Variants in BLVRA observed in about 807,000 individuals in gnomAD.
BLVRA encodes the protein BVR A.
A neutral mutation model predicts 32.8 loss-of-function variants in BLVRA; 22 were observed. The observed-to-expected ratio is 0.67, with a 90% CI of 0.48 to 0.96. The LOEUF is 0.96. Among genes scored for constraint, BLVRA ranks in the 40% least tolerant of loss-of-function variants. The pLI is 0.00. For synonymous variants in BLVRA, 119 were observed against 141.3 expected, an observed-to-expected ratio of 0.84 and a Z score of 1.12; for missense variants, 323 against 358.1, an observed-to-expected ratio of 0.90 and a Z score of 0.79.
At chr7:43,766,669 G>C (rs183044684) in intron 1 of BLVRA, among the ~76,000 whole-genome samples, 8 of 152,226 alleles carry the variant, frequency 5.3e-5, no homozygotes, top group African/African-American at 1.7e-4. Flanking sequence ...TGGGATTGCT[G>C]CCTCTCCTGA....
intron 3 of BLVRA, among the ~76,000 whole-genome samples, chr7:43,789,464 A>T (rs1279544712): frequency 1.3e-5 from 2 of 152,142 alleles, no homozygotes; most frequent in African/African-American, 4.8e-5. Context: ...ATTCCAAGGG[A>T]GCTGCACACA....
rs374145853 is a variant in BLVRA at position 43,803,683 on chromosome 7, G to A, written c.468G>A (p.Pro156=). 3.6e-5 allele frequency: 58 copies of A among 1,597,788 alleles called. 1 individual carries two copies. In the South Asian group the frequency reaches 4.7e-4, roughly 13 times the overall value. ...LKGSLLFTAG[P]LEEERFGFPA... The stretch of plus-strand genomic sequence containing the variant: ...ATTTGTGATTTCCCACAGCTGGCCC[G>A]TTGGAAGAAGAGCGGTTTGGCTTCC... The change falls in exon 7 of 8, where the codon CCG becomes CCA. Residue 156 remains proline (P), a synonymous_variant. Coordinates refer to ENST00000265523, the MANE Select transcript of BLVRA (RefSeq NM_000712.4).
At chr7:43,791,189 G>T (rs1279604354) in intron 3 of BLVRA, 60 bp from the exon 4 acceptor site, 1 of 1,608,428 alleles carries the variant, frequency 6.2e-7, no homozygotes, top group African/African-American at 1.3e-5. Flanking sequence ...GAGGGGAGAA[G>T]GATGGTGCTC....
intron 2 of BLVRA, among the ~76,000 whole-genome samples, chr7:43,778,822 C>A (rs574855327): frequency 2.6e-5 from 4 of 152,250 alleles, no homozygotes; most frequent in Non-Finnish European, 5.9e-5. Flanking sequence ...TCGAGCTTCC[C>A]GGCTGCTTTG....
intron 5 of BLVRA, among the ~76,000 whole-genome samples, chr7:43,794,041 G>A (rs2095789072): frequency 6.6e-6 from 1 of 151,598 alleles, no homozygotes; most frequent in Non-Finnish European, 1.5e-5. Flanking sequence ...CCAGGAGTTT[G>A]AGACCAGCCT....
At chr7:43,769,900 C>T (rs1010224038) in intron 1 of BLVRA, among the ~76,000 whole-genome samples, 2 of 152,188 alleles carry the variant, frequency 1.3e-5, no homozygotes, top group African/African-American at 2.4e-5. Flanking sequence ...TGAGCCACTG[C>T]GCCCAGCTCC....
At chr7:43,779,993 C>T (rs901665428) in intron 2 of BLVRA, among the ~76,000 whole-genome samples, 2 of 152,044 alleles carry the variant, frequency 1.3e-5, no homozygotes, top group African/African-American at 4.8e-5. Flanking sequence ...CCCACCTCAG[C>T]CTACCAAGTA....
At chr7:43,795,281 T>C (rs1464635966) in intron 5 of BLVRA, among the ~76,000 whole-genome samples, 5 of 151,748 alleles carry the variant, frequency 3.3e-5, no homozygotes, top group Admixed American at 2.6e-4. Context: ...TTTGGGAGGC[T>C]GAGGCGGGCG....
intron 5 of BLVRA, among the ~76,000 whole-genome samples, chr7:43,799,885 A>G (rs904102449): frequency 3.3e-5 from 5 of 152,196 alleles, no homozygotes; most frequent in Non-Finnish European, 7.4e-5. Context: ...GCCTTTGGAC[A>G]CAGGTAGATA....
rs2095801146 is a variant in BLVRA, at chr7:43,803,686, GGAA to G, written c.477_479del (p.Glu160del). 6.2e-7 allele frequency: 1 copy of G among 1,610,820 alleles called. No individual in the cohort carries two copies. The highest frequency in any genetic ancestry group is 1.3e-5 in the African/African-American group (1 of 74,166). On this transcript the variant is annotated inframe_deletion, in exon 7 of 8. Coordinates refer to ENST00000265523, the MANE Select transcript of BLVRA (RefSeq NM_000712.4). The stretch of plus-strand genomic sequence containing the variant: ...TGTGATTTCCCACAGCTGGCCCGTT[GGAA>G]GAAGAGCGGTTTGGCTTCCCTGCAT...
intron 6 of BLVRA, among the ~76,000 whole-genome samples, chr7:43,802,192 G>A (rs2095799399): frequency 6.6e-6 from 1 of 151,994 alleles, no homozygotes; most frequent in Admixed American, 6.6e-5. Context: ...AACCAGCCCT[G>A]GGGAAGTCTT....
At chr7:43,759,075 C>T (rs767095526) in intron 1 of BLVRA, among the ~76,000 whole-genome samples, 4 of 152,256 alleles carry the variant, frequency 2.6e-5, no homozygotes, top group Non-Finnish European at 5.9e-5. Context: ...CGTCCGCGTG[C>T]CGCGTAGTCC....
intron 4 of BLVRA, chr7:43,791,890 C>T (rs918868265): frequency 1.2e-5 from 2 of 166,000 alleles, no homozygotes; most frequent in Admixed American, 1.1e-4. Flanking sequence ...TAGGTTCTTA[C>T]AGCTGCTCCC....
At chr7:43,775,980 A>G (rs372402420) in intron 2 of BLVRA, among the ~76,000 whole-genome samples, 1 of 150,906 alleles carries the variant, frequency 6.6e-6, no homozygotes, top group Non-Finnish European at 1.5e-5. Flanking sequence ...TGGGATTGGT[A>G]GTGATATCCC....
At chr7:43,785,429 T>A (rs2095776201) in intron 2 of BLVRA, among the ~76,000 whole-genome samples, 1 of 152,108 alleles carries the variant, frequency 6.6e-6, no homozygotes, top group African/African-American at 2.4e-5. Context: ...TGGCCACTCC[T>A]TCCTATACTC....
At chr7:43,797,695 T>G (rs1217127690) in intron 5 of BLVRA, among the ~76,000 whole-genome samples, 1 of 152,194 alleles carries the variant, frequency 6.6e-6, no homozygotes, top group Non-Finnish European at 1.5e-5. Flanking sequence ...ATAACATTCT[T>G]TATGGCAAAA....
chr7:43,800,347 G>C lies in BLVRA; in HGVS notation c.353-118G>C. The C allele has an allele frequency of 2.0e-5, 19 of 956,310 alleles. No individual in the cohort carries two copies. The South Asian group carries it at 2.6e-4, about 13-fold the overall frequency. The allele number at this position is 956,310 out of a possible 1,614,324, so 59.2% of individuals were successfully genotyped here. ...GGTAGGGAGGCCATCCTGGCCATGT[G>C]CCCAGGGCAGTTATGAGTGCTTCAT... On this transcript the variant is annotated intron_variant, in intron 5 of 7. Coordinates refer to ENST00000265523, the MANE Select transcript of BLVRA (RefSeq NM_000712.4).
At chr7:43,792,898 T>G in intron 5 of BLVRA, 86 bp downstream of exon 5, 1 of 1,298,120 alleles carries the variant, frequency 7.7e-7, no homozygotes. Context: ...ATTTCAGATA[T>G]CTCCTCCTCC....
chr7:43,784,753 G>A lies in BLVRA; in HGVS notation c.13-3151G>A, dbSNP rs1282504615. ...CAAGTAGCTGGGGTTACAGGCACCC[G>A]CCACCACCATACCTGGCTAATTTTT... On this transcript the variant is annotated intron_variant, in intron 2 of 7. Transcript: ENST00000265523. 2.6e-5 allele frequency among the ~76,000 whole-genome samples: 4 copies of A among 151,836 alleles called. No individual in the cohort carries two copies. In the South Asian group the frequency reaches 6.3e-4, roughly 24 times the overall value.
Sources: allele counts gnomAD v4.1 joint callset (sites outside exome capture counted in the v4.1 genomes callset), GRCh38; gene constraint gnomAD v4.1.1; transcripts MANE v1.5; gene names NCBI Gene and HGNC (gene_info 2026-07-23, HGNC 2026-07-21).